ESRRG: variants seen among roughly 807,000 people sequenced by gnomAD.
The protein encoded by ESRRG is estrogen related receptor gamma.
In ESRRG, 13 loss-of-function variants were observed where a neutral mutation model predicts 44.0. That is an observed-to-expected ratio of 0.30 (90% confidence interval 0.19 to 0.47). The LOEUF (loss-of-function observed/expected upper bound fraction) is 0.47, where lower values mean the gene tolerates loss of function less well. Among genes scored for constraint, ESRRG ranks in the 20% least tolerant of loss-of-function variants. The pLI is 1.00. For synonymous variants in ESRRG, 215 were observed against 214.6 expected (o/e 1.00, Z -0.02); for missense variants, 395 against 580.6 (o/e 0.68, Z 3.29).
At chr1:217,026,135 A>G (rs2081143581) in intron 1 of ESRRG, among the ~76,000 whole-genome samples, 1 of 152,086 alleles carries the variant, frequency 6.6e-6, no homozygotes, top group Non-Finnish European at 1.5e-5. Context: ...AGCCCCACAC[A>G]ACTTTCTGCA....
intron 2 of ESRRG, among the ~76,000 whole-genome samples, chr1:216,929,321 A>T (rs954828796): frequency 6.6e-6 from 1 of 151,040 alleles, no homozygotes; most frequent in Non-Finnish European, 1.5e-5. Context: ...TTGTGCAACT[A>T]CTCTGTGACA....
chr1:216,714,352 T>A (rs1247808146), intron 1 of ESRRG, among the ~76,000 whole-genome samples: 2 of 151,982 alleles, frequency 1.3e-5, no homozygotes, highest in African/African-American at 4.8e-5. Context: ...GAAACAGAAA[T>A]TGTAAAGGAA....
At chr1:216,610,750 G>A (rs945633953) in intron 3 of ESRRG, among the ~76,000 whole-genome samples, 10 of 151,974 alleles carry the variant, frequency 6.6e-5, no homozygotes, top group African/African-American at 2.4e-4. Context: ...ATAATGTTGA[G>A]CACTAATCCT....
intron 1 of ESRRG, among the ~76,000 whole-genome samples, chr1:217,070,080 G>C (rs1250617689): frequency 6.6e-6 from 1 of 152,126 alleles, no homozygotes; most frequent in Non-Finnish European, 1.5e-5. Context: ...AAAGTAGAGA[G>C]AAAAATCTTT....
intron 2 of ESRRG, among the ~76,000 whole-genome samples, chr1:216,923,202 G>T (rs2149733949): frequency 6.6e-6 from 1 of 152,300 alleles, no homozygotes; most frequent in Non-Finnish European, 1.5e-5. Flanking sequence ...CATTTCAAGG[G>T]TCTCAAAGCG....
chr1:216,844,173 G>A (rs1427846516), intron 2 of ESRRG, among the ~76,000 whole-genome samples: 2 of 152,142 alleles, frequency 1.3e-5, no homozygotes, highest in African/African-American at 2.4e-5. Flanking sequence ...GATAGCACTT[G>A]AAATTCATTA....
chr1:216,575,581 G>C (rs1391781848), intron 3 of ESRRG, among the ~76,000 whole-genome samples: 1 of 152,064 alleles, frequency 6.6e-6, no homozygotes, highest in African/African-American at 2.4e-5. Flanking sequence ...AATCCTTATA[G>C]CAATCCTATG....
intron 3 of ESRRG, among the ~76,000 whole-genome samples, chr1:216,629,805 T>G (rs1488318153): frequency 6.6e-6 from 1 of 152,156 alleles, no homozygotes; most frequent in Admixed American, 6.6e-5. Context: ...GGGTGGAGAC[T>G]TAGGCAAAAT....
chr1:216,522,918 T>C (rs554991830), intron 5 of ESRRG, among the ~76,000 whole-genome samples: 1 of 152,286 alleles, frequency 6.6e-6, no homozygotes, highest in Admixed American at 6.5e-5. Context: ...TTTATAGCTC[T>C]TGGGCTACAA....
chr1:216,591,495 A>C (rs1340684109), intron 3 of ESRRG, among the ~76,000 whole-genome samples: 1 of 152,222 alleles, frequency 6.6e-6, no homozygotes, highest in Admixed American at 6.5e-5. Flanking sequence ...CTAGAGAATC[A>C]GAGAACTGAT....
At chr1:216,655,841 C>A (rs1422099763) in intron 2 of ESRRG, among the ~76,000 whole-genome samples, 1 of 152,150 alleles carries the variant, frequency 6.6e-6, no homozygotes, top group Non-Finnish European at 1.5e-5. Context: ...GCTATGATCA[C>A]CCACCCAACA....
At chr1:216,887,228 C>A (rs993376413) in intron 2 of ESRRG, among the ~76,000 whole-genome samples, 2 of 152,168 alleles carry the variant, frequency 1.3e-5, no homozygotes, top group African/African-American at 4.8e-5. Flanking sequence ...TCCCACAGAA[C>A]CACGCTGACT....
intron 5 of ESRRG, among the ~76,000 whole-genome samples, chr1:216,552,624 C>A (rs2056657330): frequency 6.6e-6 from 1 of 152,088 alleles, no homozygotes; most frequent in South Asian, 2.1e-4. Context: ...TGGGATGTGG[C>A]AATACCAAGA....
intron 5 of ESRRG, among the ~76,000 whole-genome samples, chr1:216,547,825 A>T (rs992131000): frequency 4.6e-5 from 7 of 151,952 alleles, no homozygotes; most frequent in African/African-American, 1.7e-4. Flanking sequence ...AGCACTGCCA[A>T]TTTTTTCAAT....
At chr1:217,009,826 C>T (rs2078287754) in intron 1 of ESRRG, among the ~76,000 whole-genome samples, 1 of 151,272 alleles carries the variant, frequency 6.6e-6, no homozygotes, top group Admixed American at 6.6e-5. Context: ...CTGCCTCAGC[C>T]TCCCAAGTAG....
chr1:216,832,483 C>G (rs981755807), intron 2 of ESRRG, among the ~76,000 whole-genome samples: 8 of 152,130 alleles, frequency 5.3e-5, no homozygotes, highest in Non-Finnish European at 1.0e-4. Flanking sequence ...GTTGTATAAC[C>G]CTTTACATAA....
chr1:216,832,936 C>T (rs1010369472), intron 2 of ESRRG, among the ~76,000 whole-genome samples: 2 of 151,820 alleles, frequency 1.3e-5, no homozygotes, highest in African/African-American at 4.8e-5. Context: ...GATTGCGCCA[C>T]CACACTCCAG....
chr1:216,976,041 T>C (rs1236224794), intron 1 of ESRRG, among the ~76,000 whole-genome samples: 1 of 152,174 alleles, frequency 6.6e-6, no homozygotes, highest in African/African-American at 2.4e-5. Flanking sequence ...TGAAGTTTCC[T>C]TCAGAGCAGG....
chr1:217,026,739 G>A (rs1048876248), intron 1 of ESRRG, among the ~76,000 whole-genome samples: 1 of 152,024 alleles, frequency 6.6e-6, no homozygotes, highest in African/African-American at 2.4e-5. Flanking sequence ...CACACAAATA[G>A]CCTACAGTGC....
Sources: gnomAD v4.1 joint callset for allele counts (sites outside exome capture counted in the v4.1 genomes callset) on GRCh38, gnomAD v4.1.1 for gene constraint, MANE v1.5 for transcripts, NCBI Gene and HGNC (gene_info 2026-07-23, HGNC 2026-07-21) for gene names.